PCDH15: variants seen among roughly 807,000 people sequenced by gnomAD.
PCDH15 encodes protocadherin-15.
Under a neutral mutation model 178.5 loss-of-function variants are expected in PCDH15, and 129 were observed. The observed-to-expected ratio is 0.72, with a 90% CI of 0.63 to 0.84. PCDH15 has a LOEUF of 0.84. PCDH15 is among the 40% of genes least tolerant of loss of function. PCDH15 has a pLI of 0.00. For missense variants in PCDH15, 2,230 were observed against 2,099.9 expected, an observed-to-expected ratio of 1.06 and a Z score of -1.21; for synonymous variants, 800 against 732.0, an observed-to-expected ratio of 1.09 and a Z score of -1.50.
At chr10:55,036,183 C>T (rs1417683528) in intron 2 of PCDH15, among the ~76,000 whole-genome samples, 3 of 152,016 alleles carry the variant, frequency 2.0e-5, no homozygotes, top group Non-Finnish European at 2.9e-5. Context: ...TTTTCCTTTC[C>T]GCCATGAGAT....
At chr10:55,096,549 T>C (rs1319889092) in intron 2 of PCDH15, among the ~76,000 whole-genome samples, 1 of 152,132 alleles carries the variant, frequency 6.6e-6, no homozygotes, top group African/African-American at 2.4e-5. Context: ...ACATTGTTAT[T>C]AACTGCTGTC....
At chr10:55,109,253 G>C (rs960336868) in intron 2 of PCDH15, among the ~76,000 whole-genome samples, 1 of 152,204 alleles carries the variant, frequency 6.6e-6, no homozygotes, top group African/African-American at 2.4e-5. Context: ...ATCGAAGAAT[G>C]TGTAGTTTGC....
intron 14 of PCDH15, among the ~76,000 whole-genome samples, chr10:54,147,386 A>G (rs2044091160): frequency 6.6e-6 from 1 of 151,918 alleles, no homozygotes; most frequent in South Asian, 2.1e-4. Flanking sequence ...TGAAGATGGC[A>G]CTTTGTTTTC....
chr10:55,519,093 C>CAAAAAA (rs33942260), intron 2 of PCDH15, among the ~76,000 whole-genome samples: 44 of 66,160 alleles, frequency 6.7e-4, no homozygotes, highest in South Asian at 1.5e-3. Context: ...GATTTCGTCT[C>CAAAAAA]AAAAAAAAAA....
At chr10:54,185,033 T>C (rs1305673497) in intron 12 of PCDH15, 101 bp downstream of exon 12, 3 of 1,399,310 alleles carry the variant, frequency 2.1e-6, no homozygotes, top group Non-Finnish European at 3.0e-6. Context: ...CCCCAAGTCA[T>C]TGATTTTTTC....
intron 2 of PCDH15, among the ~76,000 whole-genome samples, chr10:55,326,714 A>G (rs1252313208): frequency 1.3e-5 from 2 of 152,140 alleles, no homozygotes; most frequent in Non-Finnish European, 2.9e-5. Context: ...AAAATATGAC[A>G]CAAATTTAAA....
At chr10:54,857,451 T>C (rs1455496928) in intron 3 of PCDH15, among the ~76,000 whole-genome samples, 2 of 152,070 alleles carry the variant, frequency 1.3e-5, no homozygotes, top group Non-Finnish European at 2.9e-5. Flanking sequence ...TTGATTTAAA[T>C]ACTTTTTTTT....
intron 13 of PCDH15, among the ~76,000 whole-genome samples, chr10:54,170,159 A>C (rs1270581654): frequency 6.9e-6 from 1 of 144,088 alleles, no homozygotes; most frequent in Non-Finnish European, 1.5e-5. Context: ...ATCAAGCCCA[A>C]ATTTCTTCCT....
At chr10:54,284,613 C>G (rs73241243) in intron 8 of PCDH15, among the ~76,000 whole-genome samples, 5,428 of 152,160 alleles carry the variant, frequency 0.036, 308 homozygotes, top group African/African-American at 0.12. Context: ...ATAAGTAATA[C>G]TGTGAATTTT....
chr10:54,005,830 C>A (rs897646325), intron 20 of PCDH15, among the ~76,000 whole-genome samples: 2 of 151,746 alleles, frequency 1.3e-5, no homozygotes, highest in African/African-American at 4.8e-5. Context: ...GAAAGGAAAT[C>A]AGTATATGAA....
chr10:55,512,917 T>A (rs1257739177), intron 2 of PCDH15: 1 of 152,076 alleles, frequency 6.6e-6, no homozygotes, highest in African/African-American at 2.4e-5. Context: ...GAGAAATAAA[T>A]CTTCAAGGAT....
intron 2 of PCDH15, among the ~76,000 whole-genome samples, chr10:54,940,025 T>C (rs968543281): frequency 1.3e-5 from 2 of 152,188 alleles, no homozygotes; most frequent in Non-Finnish European, 2.9e-5. Context: ...TATTGTTATC[T>C]CTTCCATTAA....
intron 26 of PCDH15, among the ~76,000 whole-genome samples, chr10:53,880,426 G>T (rs1227593188): frequency 2.0e-5 from 3 of 152,168 alleles, no homozygotes; most frequent in African/African-American, 7.2e-5. Flanking sequence ...AATATGAATA[G>T]TGTATAAGAA....
intron 8 of PCDH15, among the ~76,000 whole-genome samples, chr10:54,276,467 G>A (rs1031779364): frequency 6.6e-6 from 1 of 151,508 alleles, no homozygotes; most frequent in African/African-American, 2.4e-5. Context: ...CCATCCTATT[G>A]AAAACAATTA....
intron 2 of PCDH15, among the ~76,000 whole-genome samples, chr10:55,126,075 A>C (rs901708095): frequency 6.6e-6 from 1 of 151,842 alleles, no homozygotes; most frequent in Non-Finnish European, 1.5e-5. Flanking sequence ...TATAGTCATC[A>C]TTTCCCCCAT....
rs544213685 is a variant in PCDH15 at position 54,063,210 on chromosome 10, C to G, written c.2220+3547G>C. 7.2e-5 allele frequency among the ~76,000 whole-genome samples: 11 copies of G among 152,282 alleles called. No homozygotes were observed. The South Asian group carries it at 2.3e-3, about 32-fold the overall frequency. On this transcript the variant is annotated intron_variant, in intron 18 of 37. Transcript: ENST00000644397. ...CCATACCTCAGACCCTTTAGTGGCT[C>G]CCCCGTCACCTTCTACAACATGGTA...
intron 1 of PCDH15, among the ~76,000 whole-genome samples, chr10:54,788,684 G>A (rs1157492316): frequency 6.6e-6 from 1 of 151,828 alleles, no homozygotes; most frequent in Admixed American, 6.6e-5. Context: ...GTTATGCTAT[G>A]TAAAAGTAGG....
At chr10:54,203,248 G>T (rs1260833790) in intron 10 of PCDH15, among the ~76,000 whole-genome samples, 3 of 152,176 alleles carry the variant, frequency 2.0e-5, no homozygotes, top group African/African-American at 7.2e-5. Context: ...ACCAAAGATT[G>T]CTCGTGTGTC....
At chr10:55,003,059 GAT>G (rs1190009067) in intron 2 of PCDH15, among the ~76,000 whole-genome samples, 2 of 152,068 alleles carry the variant, frequency 1.3e-5, no homozygotes, top group Admixed American at 1.3e-4. Flanking sequence ...CTGAAATTCT[GAT>G]ATGTTTTAAC....
Sources: allele counts gnomAD v4.1 joint callset (sites outside exome capture counted in the v4.1 genomes callset), GRCh38; gene constraint gnomAD v4.1.1; transcripts MANE v1.5; gene names NCBI Gene and HGNC (gene_info 2026-07-23, HGNC 2026-07-21).